SHROOM4: variants seen among roughly 807,000 people sequenced by gnomAD.
The protein encoded by SHROOM4 is protein Shroom4.
A neutral mutation model predicts 80.3 loss-of-function variants in SHROOM4; 17 were observed. That is an observed-to-expected ratio of 0.21 (90% CI 0.14 to 0.32). SHROOM4 has a LOEUF of 0.32. Among genes scored for constraint, SHROOM4 ranks in the 10% least tolerant of loss-of-function variants. SHROOM4 has a pLI of 1.00. For missense variants in SHROOM4, 993 were observed against 1,140.3 expected, an observed-to-expected ratio of 0.87 and a Z score of 1.86; for synonymous variants, 400 against 437.5, an observed-to-expected ratio of 0.91 and a Z score of 1.07.
downstream of SHROOM4, among the ~76,000 whole-genome samples, chrX:50,585,570 A>G (rs1252710083): frequency 5.4e-5 from 6 of 111,812 alleles, no homozygotes; most frequent in African/African-American, 3.3e-5. Context: ...CTGGGCAGCC[A>G]GGTCAATTAG....
chrX:50,617,596 A>G (rs1465498766), intron 5 of SHROOM4, among the ~76,000 whole-genome samples: 3 of 107,471 alleles, frequency 2.8e-5, no homozygotes, highest in Non-Finnish European at 5.8e-5. Context: ...CTTAAGTACT[A>G]ACTATGTGTG....
chrX:50,672,532 G>A (rs1314776494), intron 2 of SHROOM4, among the ~76,000 whole-genome samples: 3 of 111,222 alleles, frequency 2.7e-5, no homozygotes, highest in Non-Finnish European at 5.7e-5. Flanking sequence ...AGAGCCTCAG[G>A]GATCTTTGGG....
intron 1 of SHROOM4, among the ~76,000 whole-genome samples, chrX:50,705,136 G>A (rs1413810977): frequency 9.0e-6 from 1 of 111,598 alleles, no homozygotes; most frequent in African/African-American, 3.3e-5. Context: ...GGGAATAAGT[G>A]AGCCATCACA....
intron 1 of SHROOM4, among the ~76,000 whole-genome samples, chrX:50,721,125 A>C (rs782604991): frequency 6.4e-4 from 71 of 111,523 alleles, no homozygotes; most frequent in African/African-American, 2.3e-3. Flanking sequence ...GGCAATAATC[A>C]AGGCAAGAGT....
At chrX:50,799,101 T>G (rs2147725490) in intron 1 of SHROOM4, among the ~76,000 whole-genome samples, 1 of 112,290 alleles carries the variant, frequency 8.9e-6, no homozygotes, top group South Asian at 3.7e-4. Context: ...ATTCCCACAC[T>G]CTATGAGCCT....
At chrX:50,667,651 GA>G (rs1287540657) in intron 2 of SHROOM4, among the ~76,000 whole-genome samples, 2 of 111,618 alleles carry the variant, frequency 1.8e-5, no homozygotes, top group Non-Finnish European at 3.8e-5. Flanking sequence ...TCTAGAACAT[GA>G]AAAGAAATTT....
intron 5 of SHROOM4, among the ~76,000 whole-genome samples, chrX:50,610,271 C>T (rs1929898474): frequency 9.1e-6 from 1 of 109,476 alleles, no homozygotes; most frequent in Non-Finnish European, 1.9e-5. Context: ...TGGGCCTTTG[C>T]ACACTTATAG....
At chrX:50,801,951 G>C (rs993466212) in intron 1 of SHROOM4, among the ~76,000 whole-genome samples, 3 of 112,045 alleles carry the variant, frequency 2.7e-5, no homozygotes, top group Non-Finnish European at 5.6e-5. Flanking sequence ...TTTAGACCAG[G>C]TTGCATGGCA....
rs782292015 is a variant in SHROOM4, at chrX:50,814,066, C to A, written c.-48G>T. 8 of 920,989 alleles carry A rather than the reference C, an allele frequency of 8.7e-6. No homozygotes were observed. The Admixed American group carries it at 1.9e-4, about 21-fold the overall frequency. 75.9% of individuals were successfully genotyped at this position (920,989 alleles called of 1,213,427 possible). ...CCGGGCTCCTTTTCCGAGGGGGCTA[C>A]GTTGCCTCCGCCCCCAGCAGCTCCG... On this transcript the variant is annotated 5_prime_UTR_variant, in exon 1 of 9. Transcript: ENST00000376020.
intron 1 of SHROOM4, among the ~76,000 whole-genome samples, chrX:50,796,934 A>C (rs782369704): frequency 8.2e-5 from 9 of 109,424 alleles, no homozygotes; most frequent in Non-Finnish European, 1.5e-4. Context: ...GAGGTAAAAA[A>C]GAAATATTCC....
chrX:50,743,466 A>C (rs1402482921), intron 1 of SHROOM4, among the ~76,000 whole-genome samples: 1 of 110,210 alleles, frequency 9.1e-6, no homozygotes, highest in Non-Finnish European at 1.9e-5. Flanking sequence ...TTATTTATTT[A>C]TGTTTTTGAG....
intron 2 of SHROOM4, among the ~76,000 whole-genome samples, chrX:50,675,849 A>G (rs1214851181): frequency 9.0e-6 from 1 of 111,558 alleles, no homozygotes; most frequent in African/African-American, 3.2e-5. Context: ...CCCTCAATGC[A>G]TTAACATTTA....
chrX:50,610,866 T>C lies in SHROOM4; in HGVS notation c.2958-2682A>G, dbSNP rs150166418. Among the ~76,000 whole-genome samples, 608 of 112,003 alleles carry C rather than the reference T, an allele frequency of 5.4e-3. 5 individuals are homozygous for C. The highest frequency in any genetic ancestry group is 0.019 in the African/African-American group (590 of 30,833). ...CCAAAAAACATAGCATAAAAATTCT[T>C]AAAGCAAAATCTATAGCAAATGCAA... On this transcript the variant is annotated intron_variant, in intron 5 of 8. Transcript: ENST00000376020.
chrX:50,660,551 T>TCC (rs1932466431), intron 2 of SHROOM4, among the ~76,000 whole-genome samples: 16 of 34,713 alleles, frequency 4.6e-4, no homozygotes, highest in South Asian at 5.0e-3. Context: ...CCTCCCTCTC[T>TCC]CTCCCTCCCT....
At chrX:50,762,214 T>C (rs1935174107) in intron 1 of SHROOM4, among the ~76,000 whole-genome samples, 1 of 112,229 alleles carries the variant, frequency 8.9e-6, no homozygotes. Flanking sequence ...AAGTTTTATG[T>C]TGAGCTTCTT....
Position 50,634,474 on chromosome X carries a change from A to G in SHROOM4, c.1599T>C (p.Leu533=), listed in dbSNP as rs1333378570. The change falls in exon 4 of 9, where the codon CTT becomes CTC. Residue 533 remains leucine (L), a synonymous_variant. Coordinates refer to ENST00000376020, the MANE Select transcript of SHROOM4 (RefSeq NM_020717.5). ...ANQQPSASGS[L]VQQATDCSST... ...AAGAACAGTCCGTGGCTTGTTGAAC[A>G]AGGGAGCCAGAGGCAGAGGGTTGCT... 1 of 1,211,369 alleles carries G rather than the reference A, an allele frequency of 8.3e-7. No individual in the cohort carries two copies. Among genetic ancestry groups the G allele is most frequent in the Non-Finnish European group, 1.1e-6 (1 of 895,420 alleles).
rs1928989141 is a variant in SHROOM4 at position 50,593,971 on chromosome X, T to G, written c.*2724A>C. ...TTCAATTATCCAGAGCCCTGGGAGG[T>G]GGCAGGAGGGGTTGGGGGGACATGT... is the stretch of plus-strand genomic sequence containing the variant. On this transcript the variant is annotated 3_prime_UTR_variant, in exon 9 of 9. Transcript: ENST00000376020. The G allele has an allele frequency of 8.9e-6, 1 of 111,764 alleles. No individual in the cohort carries two copies. The highest frequency in any genetic ancestry group is 3.3e-5 in the African/African-American group (1 of 30,646). The allele number at this position is 111,764 out of a possible 1,213,427, so 9.2% of individuals were successfully genotyped here.
At chrX:50,603,721 G>GAAAT (rs1557248064) in intron 6 of SHROOM4, among the ~76,000 whole-genome samples, 1 of 112,050 alleles carries the variant, frequency 8.9e-6, no homozygotes, top group African/African-American at 3.2e-5. Context: ...CCCAGCCCAT[G>GAAAT]AAATAGAACT....
intron 1 of SHROOM4, among the ~76,000 whole-genome samples, chrX:50,783,709 G>A (rs1557270822): frequency 9.0e-6 from 1 of 110,865 alleles, no homozygotes; most frequent in African/African-American, 3.3e-5. Context: ...CCAAGTAGCT[G>A]GGACTACAGG....
Sources: allele counts gnomAD v4.1 joint callset (sites outside exome capture counted in the v4.1 genomes callset), GRCh38; gene constraint gnomAD v4.1.1; transcripts MANE v1.5; gene names NCBI Gene and HGNC (gene_info 2026-07-23, HGNC 2026-07-21).